Variants in TTC3 observed in about 807,000 individuals in gnomAD.
TTC3 encodes the protein tetratricopeptide repeat domain 3.
Under a neutral mutation model 249.6 loss-of-function variants are expected in TTC3, and 180 were observed. The observed-to-expected ratio is 0.72, with a 90% CI of 0.64 to 0.82. TTC3 has a LOEUF of 0.82. Among genes scored for constraint, TTC3 ranks in the 40% least tolerant of loss-of-function variants. The pLI is 0.00. For synonymous variants in TTC3, 717 were observed against 805.0 expected, an observed-to-expected ratio of 0.89 and a Z score of 1.85; for missense variants, 2,061 against 2,398.4, an observed-to-expected ratio of 0.86 and a Z score of 2.94.
intron 13 of TTC3, 129 bp from the exon 14 acceptor site, chr21:37,124,490 C>T (rs574497881): frequency 2.1e-6 from 2 of 943,752 alleles, no homozygotes; most frequent in African/African-American, 1.7e-5. Context: ...CCCCATCTCA[C>T]AGGTAGGAAA....
intron 20 of TTC3, among the ~76,000 whole-genome samples, chr21:37,143,921 G>T (rs190527289): frequency 0.093 from 12,682 of 136,772 alleles, 717 homozygotes; most frequent in Admixed American, 0.11. Context: ...CCATAAAAAA[G>T]GATGAGTTCA....
chr21:37,078,576 T>C (rs554111607), intron 1 of TTC3, among the ~76,000 whole-genome samples: 1 of 149,624 alleles, frequency 6.7e-6, no homozygotes, highest in East Asian at 1.9e-4. Flanking sequence ...GATTCTATCT[T>C]AACTTATTTA....
intron 29 of TTC3, 37 bp downstream of exon 29, chr21:37,159,782 T>C: frequency 6.9e-7 from 1 of 1,454,852 alleles, no homozygotes; most frequent in Non-Finnish European, 9.0e-7. Context: ...TACGTTCTAA[T>C]CTGATGTTAA....
At chr21:37,099,936 A>G (rs1265427591) in intron 10 of TTC3, among the ~76,000 whole-genome samples, 5 of 152,264 alleles carry the variant, frequency 3.3e-5, no homozygotes, top group East Asian at 3.8e-4. Flanking sequence ...ATGGAATTCT[A>G]TATGGCAGTT....
intron 11 of TTC3, among the ~76,000 whole-genome samples, chr21:37,116,607 C>T (rs1034941704): frequency 1.6e-5 from 2 of 127,370 alleles, no homozygotes; most frequent in African/African-American, 5.4e-5. Context: ...TCAGGAGTTC[C>T]AAGACCAGCC....
intron 30 of TTC3, among the ~76,000 whole-genome samples, 181 bp from the exon 31 acceptor site, chr21:37,161,809 A>C (rs1355656193): frequency 6.6e-6 from 1 of 152,172 alleles, no homozygotes; most frequent in Non-Finnish European, 1.5e-5. Flanking sequence ...ATTTGAGCTT[A>C]TTTTTGGCTG....
At chr21:37,121,929 A>G in exon 12 of TTC3, 1 of 1,612,920 alleles carries the variant, frequency 6.2e-7, no homozygotes, top group Non-Finnish European at 8.5e-7. Flanking sequence ...GGAATCAAGG[A>G]TCTAATTCAG....
intron 21 of TTC3, 104 bp from the exon 22 acceptor site, chr21:37,147,374 ATTC>A (rs2079069796): frequency 9.0e-7 from 1 of 1,108,098 alleles, no homozygotes; most frequent in African/African-American, 1.6e-5. Context: ...AAATTTAGTC[ATTC>A]TTATGCTGAA....
At chr21:37,144,397 T>A in intron 20 of TTC3, 128 bp from the exon 21 acceptor site, 2 of 1,118,178 alleles carry the variant, frequency 1.8e-6, no homozygotes, top group Non-Finnish European at 2.5e-6. Context: ...TAGGTTACAT[T>A]GAATATTGCT....
intron 1 of TTC3, among the ~76,000 whole-genome samples, chr21:37,076,078 C>A (rs1317774707): frequency 6.6e-6 from 1 of 152,118 alleles, no homozygotes; most frequent in Non-Finnish European, 1.5e-5. Context: ...TGACTACCAT[C>A]CTGAATTGTG....
At chr21:37,080,680 G>A (rs2071515304) in intron 1 of TTC3, among the ~76,000 whole-genome samples, 2 of 151,910 alleles carry the variant, frequency 1.3e-5, no homozygotes, top group African/African-American at 4.8e-5. Flanking sequence ...TTTTCCTAGT[G>A]GCTCGAACCT....
chr21:37,156,974 A>T, intron 28 of TTC3, 68 bp downstream of exon 28: 2 of 1,537,264 alleles, frequency 1.3e-6, no homozygotes, highest in Non-Finnish European at 1.8e-6. Context: ...TGAAGGACCT[A>T]GCTTGTTTAA....
At chr21:37,151,660 A>G (rs747049128) in intron 25 of TTC3, among the ~76,000 whole-genome samples, 3 of 152,222 alleles carry the variant, frequency 2.0e-5, no homozygotes, top group African/African-American at 7.2e-5. Flanking sequence ...AGTGACATCT[A>G]TACAATCTGT....
intron 6 of TTC3, chr21:37,090,496 T>C (rs1307006490): frequency 1.3e-6 from 1 of 764,080 alleles, no homozygotes; most frequent in Admixed American, 6.3e-5. Context: ...ATGTACATAG[T>C]GTAATTTTGA....
intron 4 of TTC3, 78 bp from the exon 5 acceptor site, chr21:37,088,721 A>G: frequency 4.6e-6 from 6 of 1,298,024 alleles, no homozygotes; most frequent in Non-Finnish European, 6.4e-6. Context: ...ATGGTTTGAG[A>G]TATATAGCTA....
chr21:37,124,551 C>T, intron 13 of TTC3, 68 bp from the exon 14 acceptor site: 2 of 1,546,908 alleles, frequency 1.3e-6, no homozygotes, highest in South Asian at 2.4e-5. Flanking sequence ...GCTGTGATTG[C>T]TGCAACCTGT....
At chr21:37,073,377 C>G in intron 1 of TTC3, 1 of 982,704 alleles carries the variant, frequency 1.0e-6, no homozygotes, top group Non-Finnish European at 1.2e-6. Context: ...GAGTGCACAC[C>G]CGGCGCGCTG....
intron 33 of TTC3, among the ~76,000 whole-genome samples, chr21:37,167,176 A>G (rs970790170): frequency 2.6e-5 from 4 of 152,204 alleles, no homozygotes; most frequent in Non-Finnish European, 4.4e-5. Flanking sequence ...AGAATGTTAA[A>G]AAGAGACAGC....
chr21:37,138,197 A>G (rs2078131842), intron 18 of TTC3, among the ~76,000 whole-genome samples: 1 of 152,192 alleles, frequency 6.6e-6, no homozygotes, highest in Non-Finnish European at 1.5e-5. Context: ...TAACTTTAAT[A>G]TGCACTGGGA....
Sources: gnomAD v4.1 joint callset for allele counts (sites outside exome capture counted in the v4.1 genomes callset) on GRCh38, gnomAD v4.1.1 for gene constraint, MANE v1.5 for transcripts, NCBI Gene and HGNC (gene_info 2026-07-23, HGNC 2026-07-21) for gene names.